The following ALMS1 variants were observed in gnomAD, a reference collection of about 807,000 sequenced individuals.
ALMS1 encodes ALMS1 centrosome and basal body associated protein.
A neutral mutation model predicts 352.2 loss-of-function variants in ALMS1; 271 were observed. The observed-to-expected ratio is 0.77, with a 90% CI of 0.70 to 0.85. The LOEUF is 0.85. Ranked by LOEUF, ALMS1 falls within the 40% of genes least tolerant of loss-of-function variation. ALMS1 has a pLI of 0.00. For synonymous variants in ALMS1, 1,865 were observed against 1,761.2 expected (o/e 1.06, Z -1.48); for missense variants, 5,445 against 4,870.7 (o/e 1.12, Z -3.51).
At chr2:73,582,958 TTTTCCC>T (rs1250105856) in intron 16 of ALMS1, among the ~76,000 whole-genome samples, 2 of 152,158 alleles carry the variant, frequency 1.3e-5, no homozygotes. Flanking sequence ...CTCAACACTG[TTTTCCC>T]TAGTGGTTGT....
At chr2:73,603,380 C>T in intron 21 of ALMS1, 76 bp downstream of exon 21, 1 of 1,328,824 alleles carries the variant, frequency 7.5e-7, no homozygotes, top group Non-Finnish European at 1.1e-6. Flanking sequence ...TGGCTTGCAC[C>T]CAGAATAAAT....
chr2:73,429,278 C>CTTTTTT (rs5832107), intron 6 of ALMS1, among the ~76,000 whole-genome samples: 196 of 102,654 alleles, frequency 1.9e-3, no homozygotes, highest in Middle Eastern at 0.011. Flanking sequence ...AATTAATATG[C>CTTTTTT]TTTTTTTTTT....
chr2:73,425,043 G>A lies in ALMS1; in HGVS notation c.1237+141G>A, dbSNP rs1671354169. On this transcript the variant is annotated intron_variant, in intron 5 of 22. Transcript: ENST00000613296. ...AACTTTGCACCACCCAGAAACGTGT[G>A]TAATCAGTAAGGACTGTTTTTCCTT... 4 of 622,610 alleles carry A rather than the reference G, an allele frequency of 6.4e-6. No individual in the cohort carries two copies. In the East Asian group the frequency reaches 8.5e-5, roughly 13 times the overall value. The allele number at this position is 622,610 out of a possible 1,614,324, so 38.6% of individuals were successfully genotyped here. A position where few individuals can be genotyped will look rare whatever the true frequency, so the allele number is the denominator to read the frequency against.
At position 73,488,030 on chromosome 2, in the gene ALMS1, G is replaced by A. The variant is rs561703541; in HGVS notation, c.7675-1604G>A. ...TGCCAATTGGTCCATGGGCAGGCCC[G>A]GAAAAAGCACTATAAGTTCTCCTTT... On this transcript the variant is annotated intron_variant, in intron 9 of 22. Coordinates refer to ENST00000613296, the MANE Select transcript of ALMS1 (RefSeq NM_001378454.1). 2.0e-5 allele frequency among the ~76,000 whole-genome samples: 3 copies of A among 152,270 alleles called. No individual in the cohort carries two copies. The South Asian group carries it at 6.2e-4, about 32-fold the overall frequency.
At chr2:73,514,267 GATTA>G (rs942685567) in intron 10 of ALMS1, among the ~76,000 whole-genome samples, 6 of 151,814 alleles carry the variant, frequency 4.0e-5, no homozygotes, top group East Asian at 3.9e-4. Flanking sequence ...TATTATTTTA[GATTA>G]ATTAATTATT....
At chr2:73,431,288 G>A (rs928636740) in intron 6 of ALMS1, among the ~76,000 whole-genome samples, 2 of 152,176 alleles carry the variant, frequency 1.3e-5, no homozygotes, top group East Asian at 3.8e-4. Flanking sequence ...GATATGGAAT[G>A]TTCATTTCCA....
chr2:73,485,148 G>A (rs929152064), intron 9 of ALMS1, among the ~76,000 whole-genome samples: 2 of 152,192 alleles, frequency 1.3e-5, no homozygotes, highest in East Asian at 3.9e-4. Context: ...GAGGAGAGGT[G>A]CTCTGCTTTT....
At chr2:73,420,836 AG>A (rs751656650) in intron 3 of ALMS1, among the ~76,000 whole-genome samples, 60 of 152,214 alleles carry the variant, frequency 3.9e-4, no homozygotes, top group Non-Finnish European at 7.4e-4. Context: ...GTTACGCATA[AG>A]TACTAACATT....
At chr2:73,522,630 A>G (rs749725580) in intron 11 of ALMS1, among the ~76,000 whole-genome samples, 42 of 151,898 alleles carry the variant, frequency 2.8e-4, no homozygotes, top group Non-Finnish European at 5.2e-4. Context: ...CACCACGCCC[A>G]ACTAATTTTT....
chr2:73,450,206 C>G lies in ALMS1; in HGVS notation c.3679C>G (p.Gln1227Glu). Residue 1227 changes from glutamine (Q) to glutamate (E), a missense_variant, in exon 8 of 23, where the codon CAG becomes GAG. Transcript: ENST00000613296. Reference protein sequence around the residue: ...KVSPVLGPADQKTGTPTPTSA... With the variant: ...KVSPVLGPADEKTGTPTPTSA... The stretch of plus-strand genomic sequence containing the variant: ...TTCACCTGTTCTTGGACCAGCTGAC[C>G]AGAAGACTGGGACACCAACTCCAAC... 1 of 1,614,100 alleles carries G rather than the reference C, an allele frequency of 6.2e-7. No homozygotes were observed. Among genetic ancestry groups the G allele is most frequent in the African/African-American group, 1.3e-5 (1 of 75,026 alleles).
At chr2:73,509,396 C>A (rs1200329670) in intron 10 of ALMS1, among the ~76,000 whole-genome samples, 2 of 152,018 alleles carry the variant, frequency 1.3e-5, no homozygotes, top group Non-Finnish European at 2.9e-5. Flanking sequence ...GTGACTGGTA[C>A]TGGTTTTTCC....
intron 1 of ALMS1, among the ~76,000 whole-genome samples, chr2:73,402,270 C>CTTTT (rs61360284): frequency 1.2e-4 from 15 of 122,802 alleles, no homozygotes; most frequent in African/African-American, 2.5e-4. Flanking sequence ...TTCTCTCTCT[C>CTTTT]TTTTTTTTTT....
At chr2:73,558,443 G>A (rs538662931) in intron 14 of ALMS1, among the ~76,000 whole-genome samples, 61 of 152,270 alleles carry the variant, frequency 4.0e-4, no homozygotes, top group Admixed American at 1.0e-3. Context: ...AAAAACTTTA[G>A]TGTTTCATTG....
Position 73,573,627 on chromosome 2 carries a change from C to A in ALMS1, c.11547+203C>A. The A allele has an allele frequency of 2.9e-6, 2 of 680,146 alleles. 1 individual carries two copies. The highest frequency in any genetic ancestry group is 5.4e-5 in the East Asian group (2 of 37,014). The allele number at this position is 680,146 out of a possible 1,614,324, so 42.1% of individuals were successfully genotyped here. ...TTCATCAACATTCATTTACGAATTA[C>A]CTTTTGAATGAAGGGCTTTGCTGCT... On this transcript the variant is annotated intron_variant, in intron 16 of 22. Coordinates refer to ENST00000613296, the MANE Select transcript of ALMS1 (RefSeq NM_001378454.1).
rs778996015 is a variant in ALMS1 at position 73,557,210 on chromosome 2, G to A, written c.10079-10G>A. On this transcript the variant is annotated splice_polypyrimidine_tract_variant and intron_variant, in intron 13 of 22. Transcript: ENST00000613296. ...TCCTTTTCTGAAATCAAATGATGTC[G>A]TTATTCCAGATGCCTCAGTTCAAGT... 2.2e-5 allele frequency: 36 copies of A among 1,613,806 alleles called. No homozygotes were observed. In the South Asian group the frequency reaches 2.5e-4, roughly 11 times the overall value.
intron 10 of ALMS1, among the ~76,000 whole-genome samples, chr2:73,518,074 G>A (rs960613584): frequency 5.9e-5 from 9 of 151,414 alleles, no homozygotes; most frequent in East Asian, 1.9e-4. Context: ...GGTACTAAGC[G>A]TGGTACCCAG....
intron 16 of ALMS1, among the ~76,000 whole-genome samples, chr2:73,575,262 T>C (rs1322293749): frequency 6.6e-6 from 1 of 152,198 alleles, no homozygotes; most frequent in African/African-American, 2.4e-5. Flanking sequence ...TTTGGGTATA[T>C]ATCTAGGAAT....
rs373499011 is a variant in ALMS1 at position 73,490,484 on chromosome 2, A to G, written c.8525A>G (p.His2842Arg). The part of the protein sequence containing the change: ...NFKEIQISDN[H>R]TLISMGRPSS... The stretch of plus-strand genomic sequence containing the variant: ...AAGGAAATTCAGATTTCTGATAACC[A>G]TACCCTTATTAGCATGGGCAGACCA... Residue 2842 changes from histidine to arginine, a missense_variant, in exon 10 of 23, where the codon CAT becomes CGT. Transcript: ENST00000613296. 1.9e-6 allele frequency: 3 copies of G among 1,614,228 alleles called. No individual in the cohort carries two copies. Among genetic ancestry groups the G allele is most frequent in the Non-Finnish European group, 1.7e-6 (2 of 1,180,048 alleles).
chr2:73,452,068 C>T lies in ALMS1; in HGVS notation c.5541C>T (p.Pro1847=). 6.2e-7 allele frequency: 1 copy of T among 1,614,004 alleles called. No individual in the cohort carries two copies. The change falls in exon 8 of 23, where the codon CCC becomes CCT. Residue 1847 remains proline (P), a synonymous_variant. Transcript: ENST00000613296. ...AGAAGACTGGAATAAACATCCTGCC[C>T]TCTAATTCCTACCCACAGAGAGAGC... ...ADQKTGINIL[P]SNSYPQREHS...
Sources: gnomAD v4.1 joint callset for allele counts (sites outside exome capture counted in the v4.1 genomes callset) on GRCh38, gnomAD v4.1.1 for gene constraint, MANE v1.5 for transcripts, NCBI Gene and HGNC (gene_info 2026-07-23, HGNC 2026-07-21) for gene names.